XYLT1: variants seen among roughly 807,000 people sequenced by gnomAD.
XYLT1 encodes the protein beta-D-xylosyltransferase 1.
In XYLT1, 36 loss-of-function variants were observed where a neutral mutation model predicts 91.3. The observed-to-expected ratio is 0.39, with a 90% CI of 0.30 to 0.52. XYLT1 has a LOEUF of 0.52. XYLT1 is among the 20% of genes least tolerant of loss of function. The probability of loss-of-function intolerance (pLI) is 0.68; values close to 1 mark genes in which losing one functional copy is unlikely to be tolerated. For missense variants in XYLT1, 1,242 were observed against 1,284.5 expected (o/e 0.97, Z 0.51); for synonymous variants, 588 against 532.0 (o/e 1.11, Z -1.45).
intron 1 of XYLT1, among the ~76,000 whole-genome samples, chr16:17,441,789 A>C (rs1321415677): frequency 1.3e-5 from 2 of 152,172 alleles, no homozygotes; most frequent in Admixed American, 1.3e-4. Flanking sequence ...ATCATTATCA[A>C]AAGGAGGATA....
chr16:17,353,553 G>A (rs1388981673), intron 2 of XYLT1, among the ~76,000 whole-genome samples: 1 of 152,108 alleles, frequency 6.6e-6, no homozygotes, highest in East Asian at 1.9e-4. Flanking sequence ...ATTTTCATTC[G>A]GGTCCATTGC....
At chr16:17,243,666 G>A (rs1376270968) in intron 3 of XYLT1, among the ~76,000 whole-genome samples, 2 of 152,186 alleles carry the variant, frequency 1.3e-5, no homozygotes, top group Non-Finnish European at 2.9e-5. Context: ...AGCTTTCACT[G>A]CTAAGCACAG....
At chr16:17,285,389 G>C (rs185404141) in intron 2 of XYLT1, among the ~76,000 whole-genome samples, 2 of 152,298 alleles carry the variant, frequency 1.3e-5, no homozygotes, top group South Asian at 2.1e-4. Flanking sequence ...GATGCTTCTC[G>C]ATCTGCTCTC....
chr16:17,158,707 G>C, intron 6 of XYLT1, 122 bp downstream of exon 6: 1 of 1,010,932 alleles, frequency 9.9e-7, no homozygotes. Flanking sequence ...GACAGCTGGT[G>C]CCAAGCCTTT....
intron 1 of XYLT1, among the ~76,000 whole-genome samples, chr16:17,379,579 T>C (rs544446989): frequency 6.6e-6 from 1 of 152,126 alleles, no homozygotes; most frequent in African/African-American, 2.4e-5. Flanking sequence ...GGGCATGTTG[T>C]GGGGGTAGCT....
intron 1 of XYLT1, among the ~76,000 whole-genome samples, chr16:17,386,497 G>A (rs2035749287): frequency 6.6e-6 from 1 of 152,190 alleles, no homozygotes; most frequent in Non-Finnish European, 1.5e-5. Context: ...TGATGGAGAG[G>A]TGGAGGGGCT....
At chr16:17,259,568 A>G in intron 2 of XYLT1, 70 bp from the exon 3 acceptor site, 2 of 1,548,290 alleles carry the variant, frequency 1.3e-6, no homozygotes. Context: ...CTGGCCTTTG[A>G]AGAGTGAGTC....
chr16:17,374,620 C>G (rs2035573115), intron 1 of XYLT1, among the ~76,000 whole-genome samples: 1 of 146,762 alleles, frequency 6.8e-6, no homozygotes. Context: ...TTATTCAACC[C>G]TCAGTATTGT....
chr16:17,235,309 CTT>C (rs3060127), intron 3 of XYLT1, among the ~76,000 whole-genome samples: 16 of 138,206 alleles, frequency 1.2e-4, no homozygotes, highest in East Asian at 2.1e-4. Flanking sequence ...TCATTATCAT[CTT>C]TTTTTTTTTT....
intron 2 of XYLT1, among the ~76,000 whole-genome samples, chr16:17,349,855 T>C (rs1256642643): frequency 6.6e-6 from 1 of 152,064 alleles, no homozygotes; most frequent in African/African-American, 2.4e-5. Context: ...CTATTCAGTG[T>C]ATGTAATCAT....
chr16:17,283,997 G>T (rs1006364571), intron 2 of XYLT1, among the ~76,000 whole-genome samples: 1 of 152,164 alleles, frequency 6.6e-6, no homozygotes, highest in Non-Finnish European at 1.5e-5. Context: ...AAGGTCCCCT[G>T]GTCCTCACAG....
In XYLT1 at chr16:17,235,076, G is replaced by A. The variant is rs1411349519; in HGVS notation, c.913+23912C>T. On this transcript the variant is annotated intron_variant, in intron 3 of 11. Transcript: ENST00000261381. ...AAACTTCCTGAAAAAAAAAAAAGTA[G>A]AGTCATCTTGCTCTATTTTATTCCT... Among the ~76,000 whole-genome samples, 10 of 151,944 alleles carry A rather than the reference G, an allele frequency of 6.6e-5. 2 individuals are homozygous for A. In the South Asian group the frequency reaches 1.9e-3, roughly 28 times the overall value.
At chr16:17,235,254 A>G (rs888920633) in intron 3 of XYLT1, among the ~76,000 whole-genome samples, 2 of 151,914 alleles carry the variant, frequency 1.3e-5, no homozygotes, top group African/African-American at 4.8e-5. Context: ...ACACAAGTTG[A>G]GACGTGTTGA....
chr16:17,470,012 C>T (rs2036960816), intron 1 of XYLT1, among the ~76,000 whole-genome samples: 1 of 152,128 alleles, frequency 6.6e-6, no homozygotes. Flanking sequence ...CGGCAAAAAC[C>T]AGAGAGATGC....
intron 1 of XYLT1, among the ~76,000 whole-genome samples, chr16:17,402,584 C>T (rs1225354987): frequency 6.6e-5 from 10 of 152,048 alleles, no homozygotes; most frequent in Admixed American, 6.6e-4. Context: ...CATACAGTTC[C>T]TCCTTTAAGA....
rs541400942 is a variant in XYLT1, at chr16:17,207,300, T to A, written c.914-6646A>T. Among the ~76,000 whole-genome samples, 4 of 152,246 alleles carry A rather than the reference T, an allele frequency of 2.6e-5. No homozygotes were observed. The East Asian group carries it at 7.7e-4, about 29-fold the overall frequency. ...GTCTCGAACTCCTGACCTTAGGTGA[T>A]CTAACTGTCTCAGCCTCCCATAGTG... On this transcript the variant is annotated intron_variant, in intron 3 of 11. Coordinates refer to ENST00000261381, the MANE Select transcript of XYLT1 (RefSeq NM_022166.4).
intron 1 of XYLT1, among the ~76,000 whole-genome samples, chr16:17,420,720 T>C (rs2036240715): frequency 2.0e-5 from 3 of 152,222 alleles, no homozygotes; most frequent in Non-Finnish European, 4.4e-5. Flanking sequence ...ATGTTCTTTC[T>C]ATTGAATGTG....
rs1354700970 is a variant in XYLT1, at chr16:17,107,411, CA to C, written c.*1283del. 2.0e-5 allele frequency: 3 copies of C among 152,368 alleles called. No homozygotes were observed. The highest frequency in any genetic ancestry group is 7.2e-5 in the African/African-American group (3 of 41,436). 9.4% of individuals were successfully genotyped at this position (152,368 alleles called of 1,614,324 possible). ...CTCCTGGTGAACAGGGATGACACTC[CA>C]GGGGGCTCGTGGCAAGGAAACCTTT... On this transcript the variant is annotated 3_prime_UTR_variant, in exon 12 of 12. Transcript: ENST00000261381.
rs769733883 is a variant in XYLT1 at position 17,108,872 on chromosome 16, C to T, written c.2703G>A (p.Ala901=). The T allele has an allele frequency of 3.1e-5, 50 of 1,612,566 alleles. No homozygotes were observed. In the Middle Eastern group the frequency reaches 5.0e-4, roughly 16 times the overall value. The change falls in exon 12 of 12, where the codon GCG becomes GCA. Residue 901 remains alanine, a synonymous_variant. Transcript: ENST00000261381. ...ARRNAASTGT[A]LEGWLDSLVG... is the part of the protein sequence containing the mutation. Reference sequence around the variant, plus strand: ...CCAACGAGTCCAGCCATCCCTCCAGCGCTGTGCCCGTGGAGGCTGCGTTCC... The same window carrying T: ...CCAACGAGTCCAGCCATCCCTCCAGTGCTGTGCCCGTGGAGGCTGCGTTCC...
Sources: allele counts gnomAD v4.1 joint callset (sites outside exome capture counted in the v4.1 genomes callset), GRCh38; gene constraint gnomAD v4.1.1; transcripts MANE v1.5; gene names NCBI Gene and HGNC (gene_info 2026-07-23, HGNC 2026-07-21).